KIF2C: variants seen among roughly 807,000 people sequenced by gnomAD.
KIF2C encodes kinesin family member 2C, also known as kinesin-like protein KIF2C.
In KIF2C, 34 loss-of-function variants were observed where a neutral mutation model predicts 97.4. That is an observed-to-expected ratio of 0.35 (90% CI 0.27 to 0.46). The LOEUF (loss-of-function observed/expected upper bound fraction) is 0.46. Ranked by LOEUF, KIF2C falls within the 20% of genes least tolerant of loss-of-function variation. The probability of loss-of-function intolerance (pLI) is 1.00; values close to 1 mark genes in which losing one functional copy is unlikely to be tolerated. For missense variants in KIF2C, 750 were observed against 907.6 expected (o/e 0.83, Z 2.23); for synonymous variants, 313 against 318.2 (o/e 0.98, Z 0.17).
At chr1:44,761,369 G>A (rs565329299) in intron 16 of KIF2C, among the ~76,000 whole-genome samples, 74 of 152,238 alleles carry the variant, frequency 4.9e-4, no homozygotes, top group African/African-American at 1.4e-3. Flanking sequence ...ACTTTGGGAG[G>A]CCGAGAGGCA....
intron 5 of KIF2C, among the ~76,000 whole-genome samples, chr1:44,751,385 G>C (rs1272439301): frequency 6.6e-6 from 1 of 151,924 alleles, no homozygotes; most frequent in African/African-American, 2.4e-5. Flanking sequence ...TAGTAGGGGT[G>C]GGGTATCGCC....
intron 2 of KIF2C, 38 bp downstream of exon 2, chr1:44,741,045 C>T (rs548341128): frequency 3.4e-6 from 5 of 1,461,802 alleles, no homozygotes; most frequent in Middle Eastern, 1.7e-4. Flanking sequence ...CATTTAATGT[C>T]TTCCTACATA....
At chr1:44,753,703 T>C in intron 6 of KIF2C, 30 bp from the exon 7 acceptor site, 2 of 1,509,888 alleles carry the variant, frequency 1.3e-6, no homozygotes, top group Non-Finnish European at 1.8e-6. Context: ...GGGCTTCCTT[T>C]TTTTTTCTTT....
chr1:44,758,019 T>C (rs1171257190), intron 12 of KIF2C, 30 bp from the exon 13 acceptor site: 5 of 1,613,902 alleles, frequency 3.1e-6, no homozygotes, highest in Admixed American at 1.7e-5. Context: ...GAAAGGCAGG[T>C]TGTTTGCTTA....
At chr1:44,740,122 C>A (rs1648860465) in intron 1 of KIF2C, 120 bp downstream of exon 1, 2 of 1,169,048 alleles carry the variant, frequency 1.7e-6, no homozygotes, top group Non-Finnish European at 2.6e-6. Context: ...CTCCTTTTCA[C>A]ACGCACTCAC....
At chr1:44,750,657 C>T (rs779980140) in intron 5 of KIF2C, 93 bp downstream of exon 5, 2 of 1,308,020 alleles carry the variant, frequency 1.5e-6, no homozygotes, top group African/African-American at 3.0e-5. Flanking sequence ...TTCATCCATT[C>T]CCCCAGCTTC....
intron 1 of KIF2C, among the ~76,000 whole-genome samples, chr1:44,740,207 G>T (rs912608170): frequency 6.6e-6 from 1 of 152,166 alleles, no homozygotes; most frequent in African/African-American, 2.4e-5. Flanking sequence ...GGTCCCTTTC[G>T]CAGTCCTCTG....
chr1:44,754,754 A>G lies in KIF2C; in HGVS notation c.668A>G (p.Tyr223Cys). The change falls in exon 8 of 21, where the codon TAT becomes TGT. Residue 223 changes from tyrosine (Y) to cysteine (C), a missense_variant. Physicochemically the swap from Tyr to Cys is radical, Grantham distance 194. Transcript: ENST00000372224. ...SEMRMKRAQE[Y>C]DSSFPNWEFA... ...TTCACTCTCGTCTCAAACCAGGAGTATGACAGTAGTTTTCCAAACTGGGAA... is the reference window on the plus strand; with the variant it reads ...TTCACTCTCGTCTCAAACCAGGAGTGTGACAGTAGTTTTCCAAACTGGGAA... 1 of 1,604,752 alleles carries G rather than the reference A, an allele frequency of 6.2e-7. No individual in the cohort carries two copies. The highest frequency in any genetic ancestry group is 2.2e-5 in the East Asian group (1 of 44,846).
In KIF2C at chr1:44,759,368, G is replaced by C; in HGVS notation, c.1367+20G>C. The stretch of plus-strand genomic sequence containing the variant: ...CTGCAGGTGAGAGTCCTGGTGAGGG[G>C]AAGGAGCGACCTTCTCATGTCTGGT... On this transcript the variant is annotated intron_variant, in intron 14 of 20. Coordinates refer to ENST00000372224, the MANE Select transcript of KIF2C (RefSeq NM_006845.4). 6.2e-7 allele frequency: 1 copy of C among 1,613,702 alleles called. No individual in the cohort carries two copies. The highest frequency in any genetic ancestry group is 8.5e-7 in the Non-Finnish European group (1 of 1,179,776).
In KIF2C at chr1:44,760,433, G is replaced by A. The variant is rs1235570167; in HGVS notation, c.1521G>A (p.Arg507=). Residue 507 remains arginine, a synonymous_variant, in exon 15 of 21, where the codon CGG becomes CGA. Coordinates refer to ENST00000372224, the MANE Select transcript of KIF2C (RefSeq NM_006845.4). The surrounding 1 kb of genome is among the most constrained non-coding windows in gnomAD (Gnocchi z 4.2). ...ERGADTSSAD[R]QTRMEGAEIN... Reference sequence around the variant, plus strand: ...GCGCGGACACTTCCAGTGCTGACCGGCAGACCCGCATGGAGGGCGCAGAAA... The same window carrying A: ...GCGCGGACACTTCCAGTGCTGACCGACAGACCCGCATGGAGGGCGCAGAAA... 1.9e-6 allele frequency: 3 copies of A among 1,614,226 alleles called. No individual in the cohort carries two copies. The highest frequency in any genetic ancestry group is 2.5e-6 in the Non-Finnish European group (3 of 1,180,038).
At chr1:44,754,035 A>G (rs1051632699) in intron 7 of KIF2C, among the ~76,000 whole-genome samples, 2 of 131,202 alleles carry the variant, frequency 1.5e-5, no homozygotes, top group African/African-American at 3.1e-5. Flanking sequence ...GCTCACTGCA[A>G]CCTCCACCTC....
chr1:44,747,418 A>G lies in KIF2C; in HGVS notation c.200A>G (p.Glu67Gly), dbSNP rs139882504. 41 of 1,611,348 alleles carry G rather than the reference A, an allele frequency of 2.5e-5. No homozygotes were observed. The highest frequency in any genetic ancestry group is 5.1e-5 in the Admixed American group (3 of 59,318). Residue 67 changes from glutamate (E) to glycine (G), a missense_variant, in exon 3 of 21, where the codon GAA (glutamate) becomes GGA (glycine). Glu to Gly is a moderately conservative substitution (Grantham distance 98, BLOSUM62 -2). Transcript: ENST00000372224. ...GATGATGTGGCTGCAATAAACCCAG[A>G]ACTCTTACAGCTTCTTCCCTTACAT... is the stretch of plus-strand genomic sequence containing the variant. ...DFDDVAAINP[E>G]LLQLLPLHPK...
chr1:44,760,709 A>G lies in KIF2C; in HGVS notation c.1683+7A>G, dbSNP rs1293746401. The G allele has an allele frequency of 6.2e-7, 1 of 1,605,076 alleles. No individual in the cohort carries two copies. The highest frequency in any genetic ancestry group is 8.5e-7 in the Non-Finnish European group (1 of 1,171,984). ...GAACTCTAGGACTTGCATGGTGAGT[A>G]GGGTCACTTTGAAGGTGATGGTACA... On this transcript the variant is annotated splice_region_variant and intron_variant, in intron 16 of 20. Transcript: ENST00000372224. The surrounding 1 kb of genome is among the most constrained non-coding windows in gnomAD (Gnocchi z 4.2).
chr1:44,765,419 T>A (rs901828549), intron 19 of KIF2C, among the ~76,000 whole-genome samples: 1 of 152,128 alleles, frequency 6.6e-6, no homozygotes, highest in African/African-American at 2.4e-5. Flanking sequence ...GTAACAAACC[T>A]GCACGTTGTG....
In KIF2C at chr1:44,757,609, G is replaced by C. The variant is rs1234843885; in HGVS notation, c.1031G>C (p.Cys344Ser). 2 of 1,613,804 alleles carry C rather than the reference G, an allele frequency of 1.2e-6. No individual in the cohort carries two copies. Among genetic ancestry groups the C allele is most frequent in the African/African-American group, 2.7e-5 (2 of 74,920 alleles). ...QTIFEGGKAT[C>S]FAYGQTGSGK... ...ATCTTTGAAGGTGGAAAAGCAACTT[G>C]TTTTGCATATGGCCAGACAGGAAGT... Residue 344 changes from cysteine (C) to serine (S), a missense_variant, in exon 11 of 21, where the codon TGT (cysteine) becomes TCT (serine). Coordinates refer to ENST00000372224, the MANE Select transcript of KIF2C (RefSeq NM_006845.4).
chr1:44,749,350 T>C (rs1460179303), intron 4 of KIF2C, among the ~76,000 whole-genome samples: 1 of 151,948 alleles, frequency 6.6e-6, no homozygotes, highest in South Asian at 2.1e-4. Context: ...AGGAGAATCG[T>C]TTGAGCCCGG....
At position 44,750,456 on chromosome 1, in the gene KIF2C, T is replaced by C; in HGVS notation, c.331T>C (p.Ser111Pro). ...CGGTTCTCCAGGTCTTCGAAGCCGC[T>C]CCACTCGCATGTCCACTGTCTCAGA... ...PAPKESLRSR[S>P]TRMSTVSELR... The change falls in exon 5 of 21, where the codon TCC becomes CCC. Residue 111 changes from serine to proline, a missense_variant. Physicochemically the swap from Ser to Pro is moderately conservative, Grantham distance 74. Transcript: ENST00000372224. 1 of 1,495,374 alleles carries C rather than the reference T, an allele frequency of 6.7e-7. No homozygotes were observed. Among genetic ancestry groups the C allele is most frequent in the South Asian group, 1.3e-5 (1 of 74,078 alleles). 92.6% of individuals were successfully genotyped at this position (1,495,374 alleles called of 1,614,324 possible).
intron 2 of KIF2C, among the ~76,000 whole-genome samples, chr1:44,744,153 G>A (rs540035140): frequency 2.4e-4 from 36 of 151,732 alleles, no homozygotes; most frequent in African/African-American, 8.0e-4. Context: ...GCAGTGGCAC[G>A]ATCTCCCTCA....
chr1:44,742,451 C>T (rs1648982975), intron 2 of KIF2C, among the ~76,000 whole-genome samples: 1 of 150,924 alleles, frequency 6.6e-6, no homozygotes, highest in African/African-American at 2.4e-5. Flanking sequence ...GGCGCAGTGG[C>T]TCATGCCTGT....
Sources: gnomAD v4.1 joint callset for allele counts (sites outside exome capture counted in the v4.1 genomes callset) on GRCh38, gnomAD v4.1.1 for gene constraint, Gnocchi (gnomAD v3.1) non-coding constraint, MANE v1.5 for transcripts, NCBI Gene and HGNC (gene_info 2026-07-23, HGNC 2026-07-21) for gene names.